Variants in CAMKMT observed in about 807,000 individuals in gnomAD.
The protein encoded by CAMKMT is calmodulin-lysine N-methyltransferase.
A neutral mutation model predicts 48.0 loss-of-function variants in CAMKMT; 53 were observed. The observed-to-expected ratio is 1.10, with a 90% CI of 0.89 to 1.39. The LOEUF (loss-of-function observed/expected upper bound fraction) is 1.39, where lower values mean the gene tolerates loss of function less well. Ranked by LOEUF, CAMKMT falls within the 40% of genes most tolerant of loss-of-function variation. The pLI, the probability that CAMKMT is intolerant of heterozygous loss-of-function variation, is 0.00. For synonymous variants in CAMKMT, 165 were observed against 152.3 expected (o/e 1.08, Z -0.61); for missense variants, 428 against 402.7 (o/e 1.06, Z -0.54).
intron 3 of CAMKMT, among the ~76,000 whole-genome samples, chr2:44,434,341 G>C (rs1390023722): frequency 6.6e-6 from 1 of 151,982 alleles, no homozygotes; most frequent in African/African-American, 2.4e-5. Context: ...ACTTTATTAA[G>C]TGTATTGCAA....
chr2:44,400,103 A>G (rs1456098340), intron 3 of CAMKMT, among the ~76,000 whole-genome samples: 1 of 152,186 alleles, frequency 6.6e-6, no homozygotes, highest in Non-Finnish European at 1.5e-5. Flanking sequence ...GTCATACCCA[A>G]ACAAATCTGT....
chr2:44,694,516 C>T (rs1037635470), intron 3 of CAMKMT, among the ~76,000 whole-genome samples: 16 of 152,130 alleles, frequency 1.1e-4, no homozygotes, highest in Non-Finnish European at 2.2e-4. Context: ...TGAGCCATGA[C>T]GGTGCCACTG....
In CAMKMT at chr2:44,531,362, A is replaced by C. The variant is rs566785711; in HGVS notation, c.376+141057A>C. On this transcript the variant is annotated intron_variant, in intron 3 of 10. Coordinates refer to ENST00000378494, the MANE Select transcript of CAMKMT (RefSeq NM_024766.5). The stretch of plus-strand genomic sequence containing the variant: ...TTTTAAAAATTGTCCTCTTTAATAT[A>C]CTGTGGAATAATGTGAGTCTGTACA... 2.6e-5 allele frequency among the ~76,000 whole-genome samples: 4 copies of C among 152,234 alleles called. No individual in the cohort carries two copies. In the East Asian group the frequency reaches 7.7e-4, roughly 29 times the overall value.
Position 44,705,790 on chromosome 2 carries a change from A to AT in CAMKMT, c.438-488dup, listed in dbSNP as rs913182770. ...CCAAAATGTTTCAGTTTGTTTAAGA[A>AT]TTTTTTTTTAAAATTCAGGATTGCA... On this transcript the variant is annotated intron_variant, in intron 4 of 10. Coordinates refer to ENST00000378494, the MANE Select transcript of CAMKMT (RefSeq NM_024766.5). Among the ~76,000 whole-genome samples, 29 of 151,778 alleles carry AT rather than the reference A, an allele frequency of 1.9e-4. No homozygotes were observed. In the East Asian group the frequency reaches 3.9e-3, roughly 20 times the overall value.
At chr2:44,670,716 C>A (rs1453423543) in intron 3 of CAMKMT, among the ~76,000 whole-genome samples, 2 of 152,102 alleles carry the variant, frequency 1.3e-5, no homozygotes, top group Non-Finnish European at 1.5e-5. Context: ...CTGGACCCCA[C>A]CTCCAGAGTT....
intron 3 of CAMKMT, among the ~76,000 whole-genome samples, chr2:44,455,167 C>A (rs1000166942): frequency 6.6e-6 from 1 of 152,014 alleles, no homozygotes; most frequent in Non-Finnish European, 1.5e-5. Context: ...AATAATTAGT[C>A]GCATTTGGTT....
chr2:44,603,805 A>T (rs1671135130), intron 3 of CAMKMT, among the ~76,000 whole-genome samples: 1 of 152,204 alleles, frequency 6.6e-6, no homozygotes, highest in South Asian at 2.1e-4. Flanking sequence ...ATTTTTTGAG[A>T]TGCTGGCTGG....
rs536173738 is a variant in CAMKMT, at chr2:44,649,195, C to T, written c.377-55088C>T. 6.8e-4 allele frequency among the ~76,000 whole-genome samples: 104 copies of T among 152,178 alleles called. 1 individual carries two copies. Among genetic ancestry groups the T allele is most frequent in the African/African-American group, 2.4e-3 (100 of 41,520 alleles). On this transcript the variant is annotated intron_variant, in intron 3 of 10. Transcript: ENST00000378494. ...GTTTGATAATTAAAAGCCTAGCACACTCTTGTTGCTCTTGGATCCTGTTTC... is the reference window on the plus strand; with the variant it reads ...GTTTGATAATTAAAAGCCTAGCACATTCTTGTTGCTCTTGGATCCTGTTTC...
At chr2:44,696,239 G>C (rs148600411) in intron 3 of CAMKMT, among the ~76,000 whole-genome samples, 2 of 152,108 alleles carry the variant, frequency 1.3e-5, no homozygotes, top group African/African-American at 4.8e-5. Flanking sequence ...CACTGTGCCC[G>C]GCCAAAAATG....
At chr2:44,517,681 A>C (rs1670903079) in intron 3 of CAMKMT, among the ~76,000 whole-genome samples, 1 of 152,182 alleles carries the variant, frequency 6.6e-6, no homozygotes, top group African/African-American at 2.4e-5. Context: ...TTACAGGCCA[A>C]ATTGGTAACC....
chr2:44,365,212 G>GT (rs1420510083), intron 1 of CAMKMT, among the ~76,000 whole-genome samples: 1 of 152,100 alleles, frequency 6.6e-6, no homozygotes, highest in Admixed American at 6.5e-5. Context: ...CTGTCTACTT[G>GT]TTTTTTCCTT....
intron 3 of CAMKMT, among the ~76,000 whole-genome samples, chr2:44,684,438 A>G (rs557187114): frequency 6.6e-6 from 1 of 152,102 alleles, no homozygotes; most frequent in African/African-American, 2.4e-5. Context: ...AGAGAAAACA[A>G]TTTTCTATAT....
At chr2:44,459,829 CA>C in intron 3 of CAMKMT, among the ~76,000 whole-genome samples, 2 of 152,300 alleles carry the variant, frequency 1.3e-5, no homozygotes, top group Middle Eastern at 6.8e-3. Context: ...TTAACTGGGG[CA>C]GACAGCCATA....
intron 3 of CAMKMT, among the ~76,000 whole-genome samples, chr2:44,490,984 T>C (rs2104711987): frequency 6.6e-6 from 1 of 151,946 alleles, no homozygotes; most frequent in East Asian, 1.9e-4. Context: ...ACCTTGTCTC[T>C]ACAAAAAATA....
At chr2:44,385,918 T>C (rs1169194502) in intron 2 of CAMKMT, among the ~76,000 whole-genome samples, 1 of 152,158 alleles carries the variant, frequency 6.6e-6, no homozygotes, top group Non-Finnish European at 1.5e-5. Flanking sequence ...TCATCAAGGA[T>C]ATCAGTCTGT....
chr2:44,552,346 C>A (rs1368758266), intron 3 of CAMKMT, among the ~76,000 whole-genome samples: 1 of 152,054 alleles, frequency 6.6e-6, no homozygotes, highest in Non-Finnish European at 1.5e-5. Flanking sequence ...CTGTGGCTTT[C>A]TCATTAACAA....
At chr2:44,455,938 A>G (rs113772886) in intron 3 of CAMKMT, among the ~76,000 whole-genome samples, 2,827 of 152,308 alleles carry the variant, frequency 0.019, 101 homozygotes, top group African/African-American at 0.065. Context: ...TGAGAATTCA[A>G]TTCCATTTGG....
At chr2:44,516,734 T>C (rs1223791520) in intron 3 of CAMKMT, among the ~76,000 whole-genome samples, 1 of 151,140 alleles carries the variant, frequency 6.6e-6, no homozygotes, top group East Asian at 1.9e-4. Flanking sequence ...AGGATGTTTC[T>C]TGAGATTTTT....
intron 3 of CAMKMT, among the ~76,000 whole-genome samples, chr2:44,607,847 G>C (rs1324168689): frequency 1.3e-5 from 2 of 151,654 alleles, no homozygotes; most frequent in African/African-American, 2.4e-5. Flanking sequence ...TTTTTATTAT[G>C]AAATGTAAAC....
Sources: gnomAD v4.1 joint callset for allele counts (sites outside exome capture counted in the v4.1 genomes callset) on GRCh38, gnomAD v4.1.1 for gene constraint, MANE v1.5 for transcripts, NCBI Gene and HGNC (gene_info 2026-07-23, HGNC 2026-07-21) for gene names.